The following SYNE1 variants were observed in gnomAD, a reference collection of about 807,000 sequenced individuals.
SYNE1 encodes the protein nesprin-1.
A neutral mutation model predicts 1,111.0 loss-of-function variants in SYNE1; 616 were observed. That is an observed-to-expected ratio of 0.55 (90% confidence interval 0.52 to 0.59). SYNE1 has a LOEUF of 0.59. Ranked by LOEUF, SYNE1 falls within the 20% of genes least tolerant of loss-of-function variation. The probability of loss-of-function intolerance (pLI) is 0.00; values close to 1 mark genes in which losing one functional copy is unlikely to be tolerated. For synonymous variants in SYNE1, 3,855 were observed against 3,825.8 expected (o/e 1.01, Z -0.28); for missense variants, 10,006 against 10,417.0 (o/e 0.96, Z 1.72).
intron 38 of SYNE1, among the ~76,000 whole-genome samples, chr6:152,426,107 A>G (rs1325589296): frequency 2.0e-5 from 3 of 152,206 alleles, no homozygotes; most frequent in Admixed American, 6.5e-5. Flanking sequence ...TAATCAGTCA[A>G]CGAATCTCTT....
chr6:152,537,215 G>A (rs2099247771), intron 4 of SYNE1, among the ~76,000 whole-genome samples: 1 of 152,016 alleles, frequency 6.6e-6, no homozygotes, highest in Non-Finnish European at 1.5e-5. Context: ...CCCGCCAATT[G>A]TTAATGTTAT....
intron 32 of SYNE1, among the ~76,000 whole-genome samples, chr6:152,439,238 A>G (rs2098504774): frequency 6.6e-6 from 1 of 152,224 alleles, no homozygotes; most frequent in Admixed American, 6.5e-5. Flanking sequence ...TTCAATCTAC[A>G]GGTACTTAAA....
At chr6:152,428,028 A>G (rs1188076969) in intron 37 of SYNE1, among the ~76,000 whole-genome samples, 177 bp downstream of exon 37, 3 of 152,186 alleles carry the variant, frequency 2.0e-5, no homozygotes, top group African/African-American at 7.2e-5. Flanking sequence ...AGACCCATAT[A>G]TATCCTCTCC....
At chr6:152,198,973 T>C (rs2074782239) in intron 127 of SYNE1, among the ~76,000 whole-genome samples, 1 of 139,238 alleles carries the variant, frequency 7.2e-6, no homozygotes, top group East Asian at 2.1e-4. Context: ...AATGCCACAA[T>C]CTTCAATTTG....
intron 99 of SYNE1, 125 bp downstream of exon 99, chr6:152,269,030 A>C (rs1188261979): frequency 1.4e-6 from 2 of 1,429,538 alleles, no homozygotes; most frequent in African/African-American, 2.8e-5. Context: ...TGCTTCATTC[A>C]AAGAGAAGAT....
intron 82 of SYNE1, 31 bp from the exon 83 acceptor site, chr6:152,321,917 G>T (rs148290972): frequency 6.2e-7 from 1 of 1,613,866 alleles, no homozygotes; most frequent in Non-Finnish European, 8.5e-7. Context: ...TAAAACAGAA[G>T]TGAAGTGAAA....
Position 152,180,338 on chromosome 6 carries a change from G to A in SYNE1, c.23302-44C>T. ...GAGAATAGGCAAAATGATTATCAGAGAGAAGACCACACTCCAAGGAAAATA... is the reference window on the plus strand; with the variant it reads ...GAGAATAGGCAAAATGATTATCAGAAAGAAGACCACACTCCAAGGAAAATA... On this transcript the variant is annotated intron_variant, in intron 128 of 145. Coordinates refer to ENST00000367255, the MANE Select transcript of SYNE1 (RefSeq NM_182961.4). 1.9e-6 allele frequency: 3 copies of A among 1,592,378 alleles called. No individual in the cohort carries two copies. The East Asian group carries it at 6.7e-5, about 36-fold the overall frequency.
chr6:152,373,017 A>G lies in SYNE1; in HGVS notation c.9507+20T>C. ...ATAACAAATAACACAGAATGCTTCC[A>G]TGTGGTTGGCTATATATACCTCTAG... On this transcript the variant is annotated intron_variant, in intron 59 of 145. Coordinates refer to ENST00000367255, the MANE Select transcript of SYNE1 (RefSeq NM_182961.4). 6.2e-7 allele frequency: 1 copy of G among 1,609,386 alleles called. No homozygotes were observed. Among genetic ancestry groups the G allele is most frequent in the Non-Finnish European group, 8.5e-7 (1 of 1,175,674 alleles).
At chr6:152,382,188 C>T (rs572120240) in intron 55 of SYNE1, among the ~76,000 whole-genome samples, 5 of 152,022 alleles carry the variant, frequency 3.3e-5, no homozygotes, top group East Asian at 3.9e-4. Flanking sequence ...AATAATCATC[C>T]GATGTTTATA....
At chr6:152,536,386 A>AGT (rs1384005066) in intron 4 of SYNE1, among the ~76,000 whole-genome samples, 1 of 120,654 alleles carries the variant, frequency 8.3e-6, no homozygotes, top group East Asian at 2.7e-4. Flanking sequence ...TAATATATAT[A>AGT]TATTTATATA....
Position 152,257,842 on chromosome 6 carries a change from C to T in SYNE1, c.18973-1077G>A, listed in dbSNP as rs566776637. ...GATATAATAAATATAGCATAAAATACATCTAAATCATGCCAAAAAATTCCC... is the reference window on the plus strand; with the variant it reads ...GATATAATAAATATAGCATAAAATATATCTAAATCATGCCAAAAAATTCCC... On this transcript the variant is annotated intron_variant, in intron 101 of 145. Coordinates refer to ENST00000367255, the MANE Select transcript of SYNE1 (RefSeq NM_182961.4). 3.3e-5 allele frequency among the ~76,000 whole-genome samples: 5 copies of T among 152,164 alleles called. No homozygotes were observed. The South Asian group carries it at 1.0e-3, about 32-fold the overall frequency.
At chr6:152,429,975 A>G (rs892557986) in intron 36 of SYNE1, 137 bp downstream of exon 36, 1 of 664,114 alleles carries the variant, frequency 1.5e-6, no homozygotes, top group African/African-American at 1.8e-5. Flanking sequence ...AATACATTAG[A>G]TCTATATAAT....
chr6:152,242,587 C>T (rs2085998651), intron 106 of SYNE1, 147 bp from the exon 107 acceptor site: 2 of 781,712 alleles, frequency 2.6e-6, no homozygotes, highest in Non-Finnish European at 4.3e-6. Flanking sequence ...TACCTGTAGG[C>T]CATCTGCTTG....
intron 129 of SYNE1, among the ~76,000 whole-genome samples, chr6:152,179,770 C>T (rs959680237): frequency 5.6e-5 from 8 of 143,862 alleles, no homozygotes; most frequent in Non-Finnish European, 8.9e-5. Context: ...CTGCAATCTC[C>T]GCCTTCTGGG....
chr6:152,290,331 TG>T (rs751532564), intron 95 of SYNE1, among the ~76,000 whole-genome samples: 18 of 152,162 alleles, frequency 1.2e-4, no homozygotes, highest in Non-Finnish European at 2.6e-4. Context: ...CCGAGGTAAG[TG>T]GATCACCTGA....
Position 152,347,245 on chromosome 6 carries a change from T to C in SYNE1, c.11902-10A>G. On this transcript the variant is annotated splice_polypyrimidine_tract_variant and intron_variant, in intron 72 of 145. Coordinates refer to ENST00000367255, the MANE Select transcript of SYNE1 (RefSeq NM_182961.4). ...TTTCTTCCATCATTGCCTGCAAAAG[T>C]GAAACCAATACAGAGTTTTCAGAAT... 1 of 1,614,178 alleles carries C rather than the reference T, an allele frequency of 6.2e-7. No individual in the cohort carries two copies. Among genetic ancestry groups the C allele is most frequent in the South Asian group, 1.1e-5 (1 of 91,088 alleles).
chr6:152,139,352 C>T (rs1315200742), intron 140 of SYNE1, among the ~76,000 whole-genome samples: 3 of 151,944 alleles, frequency 2.0e-5, no homozygotes, highest in Non-Finnish European at 2.9e-5. Flanking sequence ...GGGTGGATCA[C>T]CTGGGGTTAG....
At chr6:152,425,869 C>A (rs962508477) in intron 38 of SYNE1, among the ~76,000 whole-genome samples, 1 of 152,208 alleles carries the variant, frequency 6.6e-6, no homozygotes. Flanking sequence ...TTAGGCAAAT[C>A]TAGAAGCTGT....
chr6:152,629,522 C>CGGGGGGGGGGGGGGGGGGGGGGGG (rs766614719), intron 2 of SYNE1, among the ~76,000 whole-genome samples: 1 of 6,138 alleles, frequency 1.6e-4, no homozygotes, highest in Non-Finnish European at 2.7e-4. Context: ...GTTTCATTGC[C>CGGGGGGGGGGGGGGGGGGGGGGGG]GGGGGGGGGG....
Sources: allele counts gnomAD v4.1 joint callset (sites outside exome capture counted in the v4.1 genomes callset), GRCh38; gene constraint gnomAD v4.1.1; transcripts MANE v1.5; gene names NCBI Gene and HGNC (gene_info 2026-07-23, HGNC 2026-07-21).